Variants in ARSB observed in about 807,000 individuals in gnomAD.
ARSB encodes arylsulfatase B.
In ARSB, 41 loss-of-function variants were observed where a neutral mutation model predicts 50.9. The observed-to-expected ratio is 0.81, with a 90% CI of 0.63 to 1.04. The LOEUF (loss-of-function observed/expected upper bound fraction) is 1.04. Ranked by LOEUF, ARSB falls within the 50% of genes least tolerant of loss-of-function variation. ARSB has a pLI of 0.00. For missense variants in ARSB, 672 were observed against 693.3 expected (o/e 0.97, Z 0.35); for synonymous variants, 269 against 284.8 (o/e 0.94, Z 0.56).
At chr5:78,786,794 T>C (rs1421825805) in intron 6 of ARSB, among the ~76,000 whole-genome samples, 1 of 152,084 alleles carries the variant, frequency 6.6e-6, no homozygotes, top group Admixed American at 6.6e-5. Context: ...TGATTTTTTA[T>C]AGAGATGGGG....
At chr5:78,815,327 TTGCTTTTTCCC>T (rs1743949772) in intron 6 of ARSB, among the ~76,000 whole-genome samples, 1 of 150,890 alleles carries the variant, frequency 6.6e-6, no homozygotes, top group Admixed American at 6.6e-5. Flanking sequence ...CTTGTCTCTA[TTGCTTTTTCCC>T]TGCTTTTTTC....
At position 78,781,323 on chromosome 5, in the gene ARSB, CTTTTTTTTTTTT is replaced by C. The variant is rs376851173; in HGVS notation, c.1336+517_1336+528del. Among the ~76,000 whole-genome samples the C allele has an allele frequency of 4.0e-3, 299 of 75,384 alleles. 1 individual carries two copies. The highest frequency in any genetic ancestry group is 0.016 in the African/African-American group (277 of 16,874). 49.5% of individuals were successfully genotyped at this position (75,384 alleles called of 152,430 possible). A position where few individuals can be genotyped will look rare whatever the true frequency, so the allele number is the denominator to read the frequency against. The stretch of plus-strand genomic sequence containing the variant: ...TCTCTCTGTCTTTCTCTCTCTCTCT[CTTTTTTTTTTTT>C]TTTTTTTTTTTTTGGTTAGGACGAG... On this transcript the variant is annotated intron_variant, in intron 7 of 7. Transcript: ENST00000264914.
intron 1 of ARSB, among the ~76,000 whole-genome samples, chr5:78,979,815 TA>T (rs1398210702): frequency 1.3e-5 from 2 of 152,050 alleles, no homozygotes; most frequent in Non-Finnish European, 1.5e-5. Flanking sequence ...CAAAAGAACT[TA>T]AAAAATATGC....
intron 5 of ARSB, among the ~76,000 whole-genome samples, chr5:78,850,211 T>C (rs1474701144): frequency 2.7e-4 from 41 of 152,280 alleles, no homozygotes; most frequent in Admixed American, 2.6e-3. Flanking sequence ...TAGATAGCTC[T>C]TATTATTTTG....
intron 4 of ARSB, among the ~76,000 whole-genome samples, chr5:78,939,510 C>T (rs1193949220): frequency 6.6e-6 from 1 of 152,056 alleles, no homozygotes; most frequent in Non-Finnish European, 1.5e-5. Flanking sequence ...TCAATTCCCA[C>T]CTATGAGTGA....
At chr5:78,813,540 T>C (rs1743888059) in intron 6 of ARSB, among the ~76,000 whole-genome samples, 1 of 152,146 alleles carries the variant, frequency 6.6e-6, no homozygotes, top group Non-Finnish European at 1.5e-5. Flanking sequence ...GGAGGATTAC[T>C]TGAGTCCAGG....
chr5:78,827,710 T>C (rs1744493965), intron 6 of ARSB, among the ~76,000 whole-genome samples: 1 of 152,206 alleles, frequency 6.6e-6, no homozygotes, highest in Non-Finnish European at 1.5e-5. Flanking sequence ...ATCTATCAAG[T>C]CCTTTCAGGC....
chr5:78,917,471 T>C (rs982011289), intron 4 of ARSB, among the ~76,000 whole-genome samples: 1 of 152,224 alleles, frequency 6.6e-6, no homozygotes, highest in Non-Finnish European at 1.5e-5. Flanking sequence ...TTTTTCTCAA[T>C]TAAATCACTG....
intron 6 of ARSB, among the ~76,000 whole-genome samples, chr5:78,794,239 G>A (rs1164320989): frequency 6.6e-6 from 1 of 152,042 alleles, no homozygotes; most frequent in Non-Finnish European, 1.5e-5. Context: ...TCTCATTCCT[G>A]GGCTTGCGGC....
intron 4 of ARSB, among the ~76,000 whole-genome samples, chr5:78,940,586 G>A (rs973642026): frequency 2.0e-5 from 3 of 152,198 alleles, no homozygotes; most frequent in Non-Finnish European, 4.4e-5. Context: ...TCAAAGATCA[G>A]ATAGTTAAAG....
intron 4 of ARSB, among the ~76,000 whole-genome samples, chr5:78,926,614 C>G (rs1173314672): frequency 6.6e-6 from 1 of 152,208 alleles, no homozygotes; most frequent in African/African-American, 2.4e-5. Flanking sequence ...AATGACTTTA[C>G]TACTCCTGCC....
At chr5:78,869,649 G>A (rs1354185841) in intron 5 of ARSB, among the ~76,000 whole-genome samples, 4 of 151,734 alleles carry the variant, frequency 2.6e-5, no homozygotes, top group Non-Finnish European at 4.4e-5. Context: ...GAATCTCTGG[G>A]ACGCATTCAA....
intron 6 of ARSB, among the ~76,000 whole-genome samples, chr5:78,802,946 A>G (rs991599112): frequency 2.0e-5 from 3 of 152,176 alleles, no homozygotes; most frequent in African/African-American, 7.2e-5. Flanking sequence ...AAGGTCTCAT[A>G]ATGGACTTAA....
At chr5:78,839,995 A>G (rs138305685) in intron 5 of ARSB, among the ~76,000 whole-genome samples, 2,047 of 152,336 alleles carry the variant, frequency 0.013, 66 homozygotes, top group Admixed American at 0.074. Flanking sequence ...CACAACCTAC[A>G]TTTGTGCTGA....
chr5:78,911,572 T>TAAAAAAAAAAA (rs71001137), intron 4 of ARSB, among the ~76,000 whole-genome samples: 9 of 67,852 alleles, frequency 1.3e-4, no homozygotes, highest in African/African-American at 3.1e-4. Flanking sequence ...AGACTCCCTC[T>TAAAAAAAAAAA]AAAAAAAAAA....
intron 4 of ARSB, among the ~76,000 whole-genome samples, chr5:78,901,319 A>G (rs750499179): frequency 3.3e-5 from 5 of 152,112 alleles, no homozygotes; most frequent in Non-Finnish European, 5.9e-5. Flanking sequence ...ACGGGGGATT[A>G]CTCTGCCTAC....
intron 6 of ARSB, among the ~76,000 whole-genome samples, chr5:78,813,395 T>C (rs557295896): frequency 6.6e-6 from 1 of 152,342 alleles, no homozygotes; most frequent in South Asian, 2.1e-4. Flanking sequence ...TTTCTACTTA[T>C]GCAGTTATAC....
chr5:78,787,775 A>C (rs1404344303), intron 6 of ARSB, among the ~76,000 whole-genome samples: 1 of 152,174 alleles, frequency 6.6e-6, no homozygotes, highest in Non-Finnish European at 1.5e-5. Flanking sequence ...TGATTTTAGG[A>C]ATTAACTTGA....
intron 5 of ARSB, among the ~76,000 whole-genome samples, chr5:78,855,769 A>G (rs1746112278): frequency 6.6e-6 from 1 of 152,096 alleles, no homozygotes; most frequent in African/African-American, 2.4e-5. Context: ...CACGGTGTTG[A>G]TGGGGCTGCT....
Sources: allele counts gnomAD v4.1 joint callset (sites outside exome capture counted in the v4.1 genomes callset), GRCh38; gene constraint gnomAD v4.1.1; transcripts MANE v1.5; gene names NCBI Gene and HGNC (gene_info 2026-07-23, HGNC 2026-07-21).